The following LPA variants were observed in gnomAD, a reference collection of about 807,000 sequenced individuals.
LPA encodes lipoprotein(a), also known as apolipoprotein(a).
LPA carries 199 observed loss-of-function variants against 197.9 expected under a neutral mutation model. The observed-to-expected ratio is 1.01, with a 90% CI of 0.90 to 1.13. The LOEUF is 1.13. Among genes scored for constraint, LPA ranks in the 50% most tolerant of loss-of-function variants. The pLI, the probability that LPA is intolerant of heterozygous loss-of-function variation, is 0.00. For missense variants in LPA, 1,853 were observed against 1,785.8 expected, an observed-to-expected ratio of 1.04 and a Z score of -0.68; for synonymous variants, 715 against 639.5, an observed-to-expected ratio of 1.12 and a Z score of -1.78.
chr6:160,563,926 C>T (rs1778405539), intron 28 of LPA, among the ~76,000 whole-genome samples: 1 of 151,608 alleles, frequency 6.6e-6, no homozygotes, highest in South Asian at 2.1e-4. Context: ...GTAAATATTC[C>T]TTCATTTCTT....
At position 160,550,902 on chromosome 6, in the gene LPA, G is replaced by A. The variant is rs11969491; in HGVS notation, c.4974-2243C>T. The stretch of plus-strand genomic sequence containing the variant: ...TTTTATTGCTGAACAGTATGCCATT[G>A]TATGACTAGTTCACAAATTATTTAT... On this transcript the variant is annotated intron_variant, in intron 30 of 38. Coordinates refer to ENST00000316300, the MANE Select transcript of LPA (RefSeq NM_005577.4). Among the ~76,000 whole-genome samples the A allele has an allele frequency of 7.2e-3, 1,102 of 152,238 alleles. 14 individuals carry two copies. The highest frequency in any genetic ancestry group is 0.026 in the African/African-American group (1,061 of 41,528).
At chr6:160,557,291 G>T (rs1778279985) in intron 29 of LPA, 99 bp downstream of exon 29, 18 of 1,426,392 alleles carry the variant, frequency 1.3e-5, no homozygotes, top group Non-Finnish European at 9.9e-7. Context: ...ATACCCTCAA[G>T]TTTCTGTGTA....
At chr6:160,658,558 T>C (rs572773466) in intron 1 of LPA, among the ~76,000 whole-genome samples, 6 of 152,298 alleles carry the variant, frequency 3.9e-5, no homozygotes, top group Admixed American at 1.3e-4. Context: ...TCCTTGGTTC[T>C]CCACATATAG....
chr6:160,577,131 CA>C lies in LPA; in HGVS notation c.4631+4del, dbSNP rs1562328358. 6.2e-7 allele frequency: 1 copy of C among 1,613,228 alleles called. No homozygotes were observed. On this transcript the variant is annotated splice_donor_region_variant and intron_variant, in intron 28 of 38. Transcript: ENST00000316300. ...CTCCTCTTATGGTTTTAATCAAATA[CA>C]TACGCATTTGGGTAGTTTTCTGGGG...
At position 160,577,168 on chromosome 6, in the gene LPA, C is replaced by T. The variant is rs773026456; in HGVS notation, c.4599G>A (p.Trp1533Ter). 1.5e-5 allele frequency: 24 copies of T among 1,613,684 alleles called. No individual in the cohort carries two copies. In the South Asian group the frequency reaches 2.3e-4, roughly 16 times the overall value. ...GGTAGTTTTCTGGGGTCCTCTGATG[C>T]CAGTGTGGTATCATAGATGACCAAG... The part of the protein sequence containing the change: ...CQSWSSMIPH[W>*]HQRTPENYPN... Residue 1533 changes from tryptophan to a stop codon, truncating the protein, a stop_gained, in exon 28 of 39, where the codon TGG (tryptophan) becomes TGA (stop). Transcript: ENST00000316300. LOFTEE classifies it high-confidence loss of function.
In LPA at chr6:160,589,596, T is replaced by G; in HGVS notation, c.3904A>C (p.Thr1302Pro). The G allele has an allele frequency of 6.2e-7, 1 of 1,613,902 alleles. No homozygotes were observed. The highest frequency in any genetic ancestry group is 8.5e-7 in the Non-Finnish European group (1 of 1,179,858). Residue 1302 changes from threonine (T) to proline (P), a missense_variant, in exon 24 of 39, where the codon ACA (threonine) becomes CCA (proline). Thr to Pro is a conservative substitution (Grantham distance 38). Transcript: ENST00000316300. ...GTGGTTCTCTGATGCCAGTGTGGTGTCATAGAGGACCAAGACTGACATGTC... is the reference window on the plus strand; with the variant it reads ...GTGGTTCTCTGATGCCAGTGTGGTGGCATAGAGGACCAAGACTGACATGTC... ...GRTCQSWSSM[T>P]PHWHQRTTEY...
At chr6:160,556,986 G>A (rs982356827) in intron 29 of LPA, among the ~76,000 whole-genome samples, 1 of 152,064 alleles carries the variant, frequency 6.6e-6, no homozygotes, top group Non-Finnish European at 1.5e-5. Context: ...GTTTCCCCAG[G>A]ATGACAAACT....
chr6:160,604,902 C>G (rs1420085945), intron 18 of LPA, 144 bp downstream of exon 18: 2 of 1,345,166 alleles, frequency 1.5e-6, no homozygotes, highest in Non-Finnish European at 1.1e-6. Context: ...ACTCTTTGCT[C>G]AAAGACAATG....
intron 16 of LPA, among the ~76,000 whole-genome samples, chr6:160,609,958 G>A (rs1364650642): frequency 6.6e-6 from 1 of 151,984 alleles, no homozygotes; most frequent in East Asian, 1.9e-4. Context: ...CATACTTTTT[G>A]TATAATAGTT....
chr6:160,577,702 G>T (rs547629022), intron 27 of LPA, among the ~76,000 whole-genome samples: 1 of 152,262 alleles, frequency 6.6e-6, no homozygotes, highest in South Asian at 2.1e-4. Flanking sequence ...CTAGACCATT[G>T]CTCATACCAA....
intron 4 of LPA, among the ~76,000 whole-genome samples, chr6:160,643,082 C>CTG (rs1491544255): frequency 1.1e-5 from 1 of 88,458 alleles, no homozygotes; most frequent in East Asian, 3.2e-4. Flanking sequence ...GGTGTGTTTT[C>CTG]AGTGTGTGTG....
intron 20 of LPA, among the ~76,000 whole-genome samples, chr6:160,596,213 G>A (rs1779129133): frequency 6.6e-6 from 1 of 152,114 alleles, no homozygotes; most frequent in African/African-American, 2.4e-5. Flanking sequence ...GATGGTGATG[G>A]TTGTGCACCC....
intron 1 of LPA, among the ~76,000 whole-genome samples, chr6:160,662,985 C>A (rs1213023461): frequency 6.6e-6 from 1 of 152,192 alleles, no homozygotes; most frequent in East Asian, 1.9e-4. Flanking sequence ...AGGGACAACA[C>A]CCTGCTCACA....
chr6:160,611,453 T>A, intron 16 of LPA, 109 bp downstream of exon 16: 2 of 1,537,900 alleles, frequency 1.3e-6, no homozygotes, highest in African/African-American at 1.4e-5. Context: ...TGCTACACCA[T>A]CTGAATCTGA....
intron 24 of LPA, among the ~76,000 whole-genome samples, chr6:160,587,751 T>TTGTGTGTGTGTG (rs67979615): frequency 8.0e-6 from 1 of 125,380 alleles, no homozygotes; most frequent in Non-Finnish European, 1.7e-5. Context: ...GGTTCAGTCT[T>TTGTGTGTGTGTG]TGTGTGTGTG....
At chr6:160,533,677 C>T (rs374306294) in intron 37 of LPA, among the ~76,000 whole-genome samples, 12 of 152,266 alleles carry the variant, frequency 7.9e-5, no homozygotes, top group South Asian at 6.2e-4. Context: ...CACTGGAAAA[C>T]AATTACTTTG....
intron 1 of LPA, among the ~76,000 whole-genome samples, chr6:160,658,906 G>GAT (rs1780175450): frequency 1.3e-5 from 2 of 151,664 alleles, no homozygotes; most frequent in Non-Finnish European, 2.9e-5. Flanking sequence ...GAGAGAGAGA[G>GAT]AGAGTATATG....
At chr6:160,536,573 G>C (rs1015027319) in intron 37 of LPA, among the ~76,000 whole-genome samples, 15 of 152,280 alleles carry the variant, frequency 9.9e-5, no homozygotes, top group African/African-American at 3.6e-4. Flanking sequence ...AGGTTTGTCT[G>C]TACCACCCTC....
chr6:160,588,523 C>A (rs780824076), intron 24 of LPA, among the ~76,000 whole-genome samples: 1 of 152,170 alleles, frequency 6.6e-6, no homozygotes, highest in Non-Finnish European at 1.5e-5. Flanking sequence ...TGTTCCCCTG[C>A]AGTTGTTCTT....
Sources: gnomAD v4.1 joint callset for allele counts (sites outside exome capture counted in the v4.1 genomes callset) on GRCh38, gnomAD v4.1.1 for gene constraint, MANE v1.5 for transcripts, NCBI Gene and HGNC (gene_info 2026-07-23, HGNC 2026-07-21) for gene names.